ITGA8: variants seen among roughly 807,000 people sequenced by gnomAD.
The protein encoded by ITGA8 is integrin alpha-8.
In ITGA8, 91 loss-of-function variants were observed where a neutral mutation model predicts 142.3. That is an observed-to-expected ratio of 0.64 (90% CI 0.54 to 0.76). The LOEUF is 0.76. Ranked by LOEUF, ITGA8 falls within the 30% of genes least tolerant of loss-of-function variation. ITGA8 has a pLI of 0.00. For synonymous variants in ITGA8, 505 were observed against 485.2 expected, an observed-to-expected ratio of 1.04 and a Z score of -0.54; for missense variants, 1,406 against 1,327.7, an observed-to-expected ratio of 1.06 and a Z score of -0.92.
chr10:15,579,845 A>C (rs1834370833), intron 23 of ITGA8, among the ~76,000 whole-genome samples: 1 of 151,910 alleles, frequency 6.6e-6, no homozygotes, highest in Admixed American at 6.6e-5. Flanking sequence ...ATAACAAAAA[A>C]ACCCAACTTA....
rs764064568 is a variant in ITGA8, at chr10:15,607,736, G to A, written c.1705C>T (p.Pro569Ser). The A allele has an allele frequency of 1.2e-6, 2 of 1,613,704 alleles. No homozygotes were observed. Among genetic ancestry groups the A allele is most frequent in the Admixed American group, 1.7e-5 (1 of 59,990 alleles). ...GATTTCTGCCTTTTTATCACAAGAG[G>A]GAAGACGCGATGAGCCTGATGGTTA... is the stretch of plus-strand genomic sequence containing the variant. ...LDNHQAHRVF[P>S]LVIKRQKSHQ... The change falls in exon 17 of 30, where the codon CCT becomes TCT. Residue 569 changes from proline to serine, a missense_variant. Coordinates refer to ENST00000378076, the MANE Select transcript of ITGA8 (RefSeq NM_003638.3).
At chr10:15,692,017 G>T (rs1214970083) in intron 2 of ITGA8, among the ~76,000 whole-genome samples, 1 of 152,052 alleles carries the variant, frequency 6.6e-6, no homozygotes, top group Non-Finnish European at 1.5e-5. Flanking sequence ...GTTCACTGCA[G>T]CCTCGACTTC....
At chr10:15,683,296 C>CCCAT (rs1834773821) in intron 4 of ITGA8, among the ~76,000 whole-genome samples, 2 of 30,620 alleles carry the variant, frequency 6.5e-5, no homozygotes, top group Non-Finnish European at 1.6e-4. Context: ...CATCCATCCA[C>CCCAT]CCATCCACCC....
At chr10:15,705,924 A>G (rs904537660) in intron 2 of ITGA8, among the ~76,000 whole-genome samples, 4 of 152,048 alleles carry the variant, frequency 2.6e-5, no homozygotes, top group Non-Finnish European at 5.9e-5. Flanking sequence ...CCAGGAGTCA[A>G]TCTCAAACTC....
chr10:15,587,270 C>A (rs1232674949), intron 22 of ITGA8, among the ~76,000 whole-genome samples: 1 of 152,164 alleles, frequency 6.6e-6, no homozygotes, highest in Non-Finnish European at 1.5e-5. Flanking sequence ...TTGAACTGAG[C>A]TCATTTTGCA....
chr10:15,672,494 T>C, intron 7 of ITGA8, 130 bp downstream of exon 7: 3 of 1,099,124 alleles, frequency 2.7e-6, no homozygotes, highest in Non-Finnish European at 3.9e-6. Context: ...AAAAATTGAG[T>C]CCACTCTAAT....
At chr10:15,575,797 T>G (rs945620561) in intron 23 of ITGA8, among the ~76,000 whole-genome samples, 1 of 152,110 alleles carries the variant, frequency 6.6e-6, no homozygotes, top group African/African-American at 2.4e-5. Context: ...TAGTGTAGGC[T>G]CTCCAGCCCA....
intron 9 of ITGA8, 116 bp downstream of exon 9, chr10:15,660,763 T>A (rs188709069): frequency 4.9e-6 from 4 of 814,536 alleles, no homozygotes; most frequent in Admixed American, 2.1e-5. Flanking sequence ...GTGTATTAAG[T>A]GTGTTTTCAA....
rs1330483607 is a variant in ITGA8, at chr10:15,719,703, G to A, written c.69C>T (p.Ala23=). ...QAPLIAPLCC[A]AAALGMLLWS... is the part of the protein sequence containing the mutation. ...ACAGCAACATCCCCAGCGCGGCCGC[G>A]GCGCAGCAGAGGGGCGCGATCAGCG... is the stretch of plus-strand genomic sequence containing the variant. Residue 23 remains alanine, a synonymous_variant, in exon 1 of 30, where the codon GCC becomes GCT. Transcript: ENST00000378076. 6 of 1,448,208 alleles carry A rather than the reference G, an allele frequency of 4.1e-6. No homozygotes were observed. The highest frequency in any genetic ancestry group is 5.4e-6 in the Non-Finnish European group (6 of 1,110,094). 89.7% of individuals were successfully genotyped at this position (1,448,208 alleles called of 1,614,324 possible).
intron 4 of ITGA8, among the ~76,000 whole-genome samples, 181 bp downstream of exon 4, chr10:15,683,823 G>A (rs1834785932): frequency 6.6e-6 from 1 of 152,140 alleles, no homozygotes; most frequent in Non-Finnish European, 1.5e-5. Flanking sequence ...AGAATTCCAC[G>A]CTTTTGACTT....
chr10:15,611,714 C>T (rs1039224338), intron 15 of ITGA8, among the ~76,000 whole-genome samples: 9 of 150,920 alleles, frequency 6.0e-5, no homozygotes, highest in Admixed American at 5.3e-4. Flanking sequence ...CTCCTGACCT[C>T]GTGATCTGCC....
chr10:15,575,454 A>T, intron 24 of ITGA8, 35 bp downstream of exon 24: 2 of 1,377,656 alleles, frequency 1.5e-6, no homozygotes, highest in Non-Finnish European at 2.1e-6. Context: ...TTAAGAATAA[A>T]CCCCTAACAC....
At chr10:15,708,823 C>A (rs928173547) in intron 2 of ITGA8, among the ~76,000 whole-genome samples, 1 of 152,136 alleles carries the variant, frequency 6.6e-6, no homozygotes. Flanking sequence ...ATTAGACACA[C>A]CCCTTTTCCA....
intron 2 of ITGA8, among the ~76,000 whole-genome samples, chr10:15,708,297 G>A (rs1588742480): frequency 6.6e-6 from 1 of 152,294 alleles, no homozygotes; most frequent in Non-Finnish European, 1.5e-5. Context: ...CAGAGTGAAA[G>A]GAAGAAGGTC....
intron 2 of ITGA8, among the ~76,000 whole-genome samples, chr10:15,704,851 G>A (rs1052979148): frequency 6.6e-6 from 1 of 152,124 alleles, no homozygotes; most frequent in Non-Finnish European, 1.5e-5. Context: ...GTATAAATTT[G>A]CCTCCCAATA....
At chr10:15,517,722 GGAGTTTATT>G (rs1832989371) in intron 29 of ITGA8, among the ~76,000 whole-genome samples, 1 of 152,236 alleles carries the variant, frequency 6.6e-6, no homozygotes, top group Non-Finnish European at 1.5e-5. Flanking sequence ...CTTGTAGAGA[GGAGTTTATT>G]GCATAGGCAA....
chr10:15,718,710 T>C, intron 2 of ITGA8, 56 bp downstream of exon 2: 1 of 1,599,390 alleles, frequency 6.3e-7, no homozygotes, highest in Non-Finnish European at 8.6e-7. Flanking sequence ...GCCTCTGGGA[T>C]GGCCCTGGTT....
intron 12 of ITGA8, among the ~76,000 whole-genome samples, chr10:15,644,433 AATATAT>A (rs57868499): frequency 1.5e-3 from 62 of 42,446 alleles, no homozygotes; most frequent in Non-Finnish European, 2.0e-3. Flanking sequence ...ATGTCAGGCT[AATATAT>A]ATATATATAT....
At chr10:15,625,229 T>A (rs45482501) in intron 13 of ITGA8, among the ~76,000 whole-genome samples, 135 of 152,338 alleles carry the variant, frequency 8.9e-4, no homozygotes, top group South Asian at 1.9e-3. Flanking sequence ...GGGATTGTTT[T>A]CCTTTTAAAA....
Sources: gnomAD v4.1 joint callset for allele counts (sites outside exome capture counted in the v4.1 genomes callset) on GRCh38, gnomAD v4.1.1 for gene constraint, MANE v1.5 for transcripts, NCBI Gene and HGNC (gene_info 2026-07-23, HGNC 2026-07-21) for gene names.